Variants in NXNL2 observed in about 807,000 individuals in gnomAD.
The protein encoded by NXNL2 is nucleoredoxin-like protein 2.
A neutral mutation model predicts 11.1 loss-of-function variants in NXNL2; 7 were observed. That is an observed-to-expected ratio of 0.63 (90% CI 0.36 to 1.18). The LOEUF is 1.18. NXNL2 is among the 50% of genes most tolerant of loss of function. NXNL2 has a pLI of 0.02. For synonymous variants in NXNL2, 109 were observed against 101.8 expected (o/e 1.07, Z -0.42); for missense variants, 233 against 217.7 (o/e 1.07, Z -0.44).
intron 1 of NXNL2, 55 bp from the exon 2 acceptor site, chr9:88,544,324 C>A: frequency 6.8e-7 from 1 of 1,477,752 alleles, no homozygotes; most frequent in Non-Finnish European, 9.2e-7. Flanking sequence ...GGGGCGTGTC[C>A]CTTCAGATGT....
In NXNL2 at chr9:88,566,995, T is replaced by TCTATCTATCTATCTATCTATCTATCTAC. The variant is rs1554706806; in HGVS notation, c.303-4067_303-4066insTACCTATCTATCTATCTATCTATCTATC. Among the ~76,000 whole-genome samples, 682 of 150,396 alleles carry TCTATCTATCTATCTATCTATCTATCTAC rather than the reference T, an allele frequency of 4.5e-3. 3 individuals carry two copies. Among genetic ancestry groups the TCTATCTATCTATCTATCTATCTATCTAC allele is most frequent in the African/African-American group, 0.013 (512 of 40,452 alleles). ...TATCATCTATCTATCTATCTATCTA[T>TCTATCTATCTATCTATCTATCTATCTAC]CTATCTATCTATCTATCTATCTATC... is the stretch of plus-strand genomic sequence containing the variant. On this transcript the variant is annotated intron_variant, in intron 1 of 2. Coordinates refer to the NXNL2 transcript ENST00000375855.
intron 1 of NXNL2, among the ~76,000 whole-genome samples, chr9:88,542,347 G>A (rs1829779539): frequency 1.3e-5 from 2 of 151,904 alleles, no homozygotes; most frequent in Admixed American, 1.3e-4. Context: ...GGAGTGCAGT[G>A]GCGCGATCTC....
chr9:88,550,743 A>G (rs2118456679), intron 1 of NXNL2, among the ~76,000 whole-genome samples: 1 of 152,342 alleles, frequency 6.6e-6, no homozygotes, highest in East Asian at 1.9e-4. Flanking sequence ...CAGTGGTCAC[A>G]GTTCAGTCCT....
At chr9:88,547,885 C>T (rs1370853826), downstream of NXNL2, among the ~76,000 whole-genome samples, 3 of 151,100 alleles carry the variant, frequency 2.0e-5, no homozygotes, top group Admixed American at 1.3e-4. Context: ...GGCATGGTGG[C>T]GGGCACCTGT....
chr9:88,552,563 T>C (rs1208741375), intron 1 of NXNL2, among the ~76,000 whole-genome samples: 1 of 150,470 alleles, frequency 6.6e-6, no homozygotes, highest in Non-Finnish European at 1.5e-5. Flanking sequence ...CTCTGCCTCC[T>C]GAGTTCACGC....
chr9:88,584,216 C>T (rs895130234), exon 2 of NXNL2: 4 of 152,172 alleles, frequency 2.6e-5, no homozygotes, highest in Non-Finnish European at 4.4e-5. Context: ...CAAGGGCTGT[C>T]GAGGTGATTT....
rs143205041 is a variant in NXNL2, at chr9:88,535,533, C to T, written c.99C>T (p.Phe33=). 9.6e-4 allele frequency: 1,546 copies of T among 1,607,492 alleles called. 5 individuals carry two copies. Among genetic ancestry groups the T allele is most frequent in the Non-Finnish European group, 1.2e-3 (1,396 of 1,178,818 alleles). The change falls in exon 1 of 2, where the codon TTC becomes TTT. Residue 33 remains phenylalanine (F), a synonymous_variant. Transcript: ENST00000375854. ...ALQNKVVALY[F]AAARCAPSRD... is the part of the protein sequence containing the mutation. ...AGAACAAGGTGGTGGCACTGTACTT[C>T]GCGGCGGCCCGGTGCGCGCCGAGCC...
chr9:88,550,276 A>T (rs1441945284), intron 1 of NXNL2, among the ~76,000 whole-genome samples: 2 of 152,184 alleles, frequency 1.3e-5, no homozygotes, highest in Admixed American at 1.3e-4. Context: ...TTACAATTCA[A>T]CATGATATTT....
At chr9:88,542,286 AT>A (rs1470450547) in intron 1 of NXNL2, among the ~76,000 whole-genome samples, 2 of 151,172 alleles carry the variant, frequency 1.3e-5, no homozygotes, top group African/African-American at 2.4e-5. Context: ...AAAAATATAT[AT>A]TTTTTTATTT....
intron 1 of NXNL2, among the ~76,000 whole-genome samples, chr9:88,583,173 G>A (rs1356454097): frequency 6.6e-6 from 1 of 152,176 alleles, no homozygotes; most frequent in Non-Finnish European, 1.5e-5. Context: ...GGTGGTTTTG[G>A]GATTCTAAGC....
At chr9:88,553,378 C>T (rs535542810) in intron 1 of NXNL2, among the ~76,000 whole-genome samples, 2 of 152,048 alleles carry the variant, frequency 1.3e-5, no homozygotes, top group Non-Finnish European at 2.9e-5. Flanking sequence ...ACAACAACAA[C>T]AAAAAACCCA....
At chr9:88,561,839 C>T (rs1470466108) in intron 1 of NXNL2, among the ~76,000 whole-genome samples, 1 of 152,230 alleles carries the variant, frequency 6.6e-6, no homozygotes, top group African/African-American at 2.4e-5. Flanking sequence ...GGTGGAATAA[C>T]TGGAAGTCTC....
chr9:88,568,475 G>C (rs1347759498), intron 1 of NXNL2, among the ~76,000 whole-genome samples: 1 of 152,148 alleles, frequency 6.6e-6, no homozygotes, highest in East Asian at 1.9e-4. Flanking sequence ...AAAAGACTGA[G>C]GGGACACTGG....
chr9:88,535,461 C>G lies in NXNL2; in HGVS notation c.27C>G (p.His9Gln). The G allele has an allele frequency of 1.2e-6, 2 of 1,606,266 alleles. No individual in the cohort carries two copies. Among genetic ancestry groups the G allele is most frequent in the Non-Finnish European group, 1.7e-6 (2 of 1,177,210 alleles). Reference protein sequence around the residue: MVDILGERHLVTCKGATVE... With the variant: MVDILGERQLVTCKGATVE... Reference sequence around the variant, plus strand: ...TGGTTGACATTCTGGGCGAGCGGCACCTGGTGACCTGTAAGGGCGCGACGG... The same window carrying G: ...TGGTTGACATTCTGGGCGAGCGGCAGCTGGTGACCTGTAAGGGCGCGACGG... Residue 9 changes from histidine (H) to glutamine (Q), a missense_variant, in exon 1 of 2, where the codon CAC becomes CAG. By Grantham distance (24) the His-to-Gln change is conservative. Coordinates refer to ENST00000375854, the MANE Select transcript of NXNL2 (RefSeq NM_001161625.2).
intron 1 of NXNL2, among the ~76,000 whole-genome samples, chr9:88,562,831 C>T (rs7048276): frequency 0.032 from 4,874 of 151,192 alleles, 285 homozygotes; most frequent in African/African-American, 0.11. Context: ...TGCTTATTGA[C>T]AAAATCCCAA....
downstream of NXNL2, among the ~76,000 whole-genome samples, chr9:88,547,859 A>C (rs1369057600): frequency 1.3e-5 from 2 of 151,126 alleles, no homozygotes; most frequent in African/African-American, 4.9e-5. Flanking sequence ...TCTACTAAAA[A>C]TACAGAAATT....
At chr9:88,549,761 G>A (rs1829901467), downstream of NXNL2, among the ~76,000 whole-genome samples, 1 of 152,206 alleles carries the variant, frequency 6.6e-6, no homozygotes, top group African/African-American at 2.4e-5. Flanking sequence ...AACCATGGCA[G>A]AAGGTGAAAG....
intron 1 of NXNL2, among the ~76,000 whole-genome samples, chr9:88,557,397 A>G (rs1452175723): frequency 1.3e-5 from 2 of 152,318 alleles, no homozygotes; most frequent in East Asian, 3.9e-4. Context: ...AAATTTTCCT[A>G]GTGGAGGCTC....
exon 3 of NXNL2, chr9:88,575,088 C>T: frequency 1.0e-6 from 1 of 971,512 alleles, no homozygotes; most frequent in Non-Finnish European, 1.2e-6. Flanking sequence ...CCTTTGAAGC[C>T]ATTGCTGTGA....
Sources: allele counts gnomAD v4.1 joint callset (sites outside exome capture counted in the v4.1 genomes callset), GRCh38; gene constraint gnomAD v4.1.1; transcripts MANE v1.5; gene names NCBI Gene and HGNC (gene_info 2026-07-23, HGNC 2026-07-21).